EPHA3: variants seen among roughly 807,000 people sequenced by gnomAD.
The protein encoded by EPHA3 is ephrin type-A receptor 3.
EPHA3 carries 42 observed loss-of-function variants against 107.1 expected under a neutral mutation model. The ratio of observed to expected loss-of-function variants is 0.39; its 90% CI spans 0.31 to 0.51. The LOEUF (loss-of-function observed/expected upper bound fraction) is 0.51. Among genes scored for constraint, EPHA3 ranks in the 20% least tolerant of loss-of-function variants. The pLI, the probability that EPHA3 is intolerant of heterozygous loss-of-function variation, is 0.78. For synonymous variants in EPHA3, 461 were observed against 424.8 expected (o/e 1.09, Z -1.05); for missense variants, 1,183 against 1,211.2 (o/e 0.98, Z 0.35).
At chr3:89,392,316 G>A (rs1243685599) in intron 5 of EPHA3, among the ~76,000 whole-genome samples, 2 of 152,036 alleles carry the variant, frequency 1.3e-5, no homozygotes, top group African/African-American at 4.8e-5. Flanking sequence ...GCACGCATCT[G>A]TAATCCCAGC....
chr3:89,337,751 A>G (rs1329377605), intron 3 of EPHA3, among the ~76,000 whole-genome samples: 1 of 152,168 alleles, frequency 6.6e-6, no homozygotes, highest in Non-Finnish European at 1.5e-5. Flanking sequence ...CTATTATTCT[A>G]TTTAATTAGC....
chr3:89,395,419 A>G (rs1351379371), intron 5 of EPHA3, among the ~76,000 whole-genome samples: 1 of 152,236 alleles, frequency 6.6e-6, no homozygotes, highest in Non-Finnish European at 1.5e-5. Context: ...GCTGCATATG[A>G]AAATGTTATC....
chr3:89,264,304 G>C (rs185082590), intron 3 of EPHA3, among the ~76,000 whole-genome samples: 74 of 152,244 alleles, frequency 4.9e-4, no homozygotes, highest in Middle Eastern at 3.4e-3. Flanking sequence ...TAAAGGAGCT[G>C]CTTGTCACAA....
chr3:89,236,026 G>A (rs992426843), intron 3 of EPHA3, among the ~76,000 whole-genome samples: 4 of 152,004 alleles, frequency 2.6e-5, no homozygotes, highest in African/African-American at 9.7e-5. Flanking sequence ...AGTCAAGAAA[G>A]CAATGAATTA....
chr3:89,401,765 G>A (rs1176711128), intron 7 of EPHA3, among the ~76,000 whole-genome samples: 1 of 151,958 alleles, frequency 6.6e-6, no homozygotes, highest in African/African-American at 2.4e-5. Context: ...ATGTGCCCAC[G>A]TCTGGCTAAT....
intron 13 of EPHA3, among the ~76,000 whole-genome samples, chr3:89,432,487 G>A (rs1316871229): frequency 6.6e-6 from 1 of 152,028 alleles, no homozygotes; most frequent in Non-Finnish European, 1.5e-5. Flanking sequence ...CTGGCCTCAA[G>A]TGATTCTCCC....
intron 1 of EPHA3, among the ~76,000 whole-genome samples, chr3:89,119,272 C>T (rs1448327292): frequency 6.6e-6 from 1 of 152,058 alleles, no homozygotes; most frequent in African/African-American, 2.4e-5. Flanking sequence ...AGAACCATCT[C>T]CATATAAAAA....
intron 5 of EPHA3, among the ~76,000 whole-genome samples, chr3:89,382,246 A>T (rs1708524583): frequency 6.6e-6 from 1 of 152,110 alleles, no homozygotes; most frequent in Non-Finnish European, 1.5e-5. Context: ...GGTGGCTCAC[A>T]CATGTAATCT....
At chr3:89,139,585 G>C (rs1442875295) in intron 2 of EPHA3, among the ~76,000 whole-genome samples, 1 of 151,722 alleles carries the variant, frequency 6.6e-6, no homozygotes, top group African/African-American at 2.4e-5. Context: ...TCCATTAAAG[G>C]CAGCAAAATT....
intron 3 of EPHA3, among the ~76,000 whole-genome samples, chr3:89,234,552 T>A (rs757718435): frequency 1.3e-5 from 2 of 152,200 alleles, no homozygotes; most frequent in African/African-American, 2.4e-5. Context: ...GGTGTCTTCC[T>A]TAGTAATGGG....
At chr3:89,161,823 T>G (rs1269544852) in intron 2 of EPHA3, among the ~76,000 whole-genome samples, 4 of 151,592 alleles carry the variant, frequency 2.6e-5, no homozygotes, top group African/African-American at 7.3e-5. Flanking sequence ...TGAAAAGATA[T>G]AAAACATTAG....
chr3:89,203,033 G>A (rs1271327180), intron 2 of EPHA3, among the ~76,000 whole-genome samples: 2 of 152,136 alleles, frequency 1.3e-5, no homozygotes, highest in African/African-American at 4.8e-5. Flanking sequence ...GATAAGGGCT[G>A]AACATGAGAC....
At chr3:89,470,158 C>T (rs1307878682) in intron 15 of EPHA3, among the ~76,000 whole-genome samples, 2 of 151,908 alleles carry the variant, frequency 1.3e-5, no homozygotes, top group Admixed American at 1.3e-4. Flanking sequence ...TGTTTTCAAG[C>T]ATTTGCAGTG....
chr3:89,206,878 A>G (rs1013398118), intron 2 of EPHA3, among the ~76,000 whole-genome samples: 4 of 152,160 alleles, frequency 2.6e-5, no homozygotes, highest in Admixed American at 1.3e-4. Context: ...GTTAGAATGT[A>G]TCTTGTATAT....
At chr3:89,369,506 C>A (rs982357635) in intron 5 of EPHA3, among the ~76,000 whole-genome samples, 2 of 150,330 alleles carry the variant, frequency 1.3e-5, no homozygotes, top group African/African-American at 4.9e-5. Context: ...AAAATTAATT[C>A]AAGATGGATT....
chr3:89,218,383 A>T (rs186785341), intron 3 of EPHA3, among the ~76,000 whole-genome samples: 70 of 145,470 alleles, frequency 4.8e-4, no homozygotes, highest in African/African-American at 1.8e-3. Flanking sequence ...GAGTGAGAAC[A>T]TGTTTGGTTT....
At chr3:89,266,607 C>T (rs148759400) in intron 3 of EPHA3, among the ~76,000 whole-genome samples, 2 of 151,990 alleles carry the variant, frequency 1.3e-5, no homozygotes, top group Non-Finnish European at 2.9e-5. Context: ...AAGAATATAA[C>T]TTTTCTTACA....
In EPHA3 at chr3:89,297,240, A is replaced by G. The variant is rs1281645955; in HGVS notation, c.815-43676A>G. 2.6e-5 allele frequency among the ~76,000 whole-genome samples: 4 copies of G among 152,130 alleles called. No homozygotes were observed. The East Asian group carries it at 7.7e-4, about 29-fold the overall frequency. On this transcript the variant is annotated intron_variant, in intron 3 of 16. Transcript: ENST00000336596. ...TTTGTCATTAAGAGGCCTATCTTTT[A>G]GCTTCTGTGGGCTTTTACACTCTTC...
intron 3 of EPHA3, among the ~76,000 whole-genome samples, chr3:89,276,546 C>A (rs771378339): frequency 8.6e-5 from 13 of 151,918 alleles, no homozygotes; most frequent in Non-Finnish European, 1.6e-4. Context: ...TTTAATATGG[C>A]AATTTAAAAT....
Sources: gnomAD v4.1 joint callset for allele counts (sites outside exome capture counted in the v4.1 genomes callset) on GRCh38, gnomAD v4.1.1 for gene constraint, MANE v1.5 for transcripts, NCBI Gene and HGNC (gene_info 2026-07-23, HGNC 2026-07-21) for gene names.